ZNF665: variants seen among roughly 807,000 people sequenced by gnomAD.
ZNF665 encodes zinc finger protein 665.
Under a neutral mutation model 7.9 loss-of-function variants are expected in ZNF665, and 6 were observed. The observed-to-expected ratio is 0.76, with a 90% CI of 0.42 to 1.50. The LOEUF (loss-of-function observed/expected upper bound fraction) is 1.50, where lower values mean the gene tolerates loss of function less well. Among genes scored for constraint, ZNF665 ranks in the 40% most tolerant of loss-of-function variants. The pLI is 0.01. For synonymous variants in ZNF665, 242 were observed against 274.5 expected, an observed-to-expected ratio of 0.88 and a Z score of 1.17; for missense variants, 819 against 806.7, an observed-to-expected ratio of 1.02 and a Z score of -0.18.
At chr19:53,171,524 A>ATATATATATATATATATAT (rs372855271) in intron 3 of ZNF665, among the ~76,000 whole-genome samples, 36 of 69,318 alleles carry the variant, frequency 5.2e-4, no homozygotes, top group Non-Finnish European at 7.9e-4. Flanking sequence ...ATATATATAT[A>ATATATATATATATATATAT]TTTTTTTTTT....
chr19:53,165,296 T>G lies in ZNF665; in HGVS notation c.1194A>C (p.Gly398=), dbSNP rs10409924. The G allele has an allele frequency of 0.16, 253,876 of 1,613,900 alleles. 22,427 individuals are homozygous for G. The highest frequency in any genetic ancestry group is 0.37 in the African/African-American group (27,612 of 74,912). The change falls in exon 4 of 4, where the codon GGA becomes GGC. Residue 398 remains glycine, a synonymous_variant. Transcript: ENST00000396424. ...ATTCATTACATTTGAAAGGCTTTTC[T>G]CCGGTATGGATGATCTGATGCTTAG... ...NLTKHQIIHT[G]EKPFKCNECV...
chr19:53,173,287 A>C (rs1010286180), intron 3 of ZNF665, among the ~76,000 whole-genome samples: 1 of 152,062 alleles, frequency 6.6e-6, no homozygotes, highest in African/African-American at 2.4e-5. Context: ...TACTTATTGA[A>C]AAAACTGTCC....
intron 3 of ZNF665, among the ~76,000 whole-genome samples, chr19:53,168,834 T>C (rs2090636893): frequency 6.6e-6 from 1 of 152,114 alleles, no homozygotes; most frequent in East Asian, 1.9e-4. Flanking sequence ...TAAATGGCAA[T>C]TCCATGGAGA....
chr19:53,171,275 C>G (rs1437669957), intron 3 of ZNF665, among the ~76,000 whole-genome samples: 1 of 151,774 alleles, frequency 6.6e-6, no homozygotes, highest in East Asian at 1.9e-4. Flanking sequence ...CTTGAGCCAC[C>G]GCATGCGGCA....
At chr19:53,179,268 C>T (rs993497084) in intron 2 of ZNF665, among the ~76,000 whole-genome samples, 8 of 149,594 alleles carry the variant, frequency 5.3e-5, no homozygotes, top group Non-Finnish European at 7.4e-5. Flanking sequence ...CCCAGCTGGT[C>T]GGGAGGCTGA....
In ZNF665 at chr19:53,165,943, A is replaced by T; in HGVS notation, c.547T>A (p.Cys183Ser). 1 of 1,614,050 alleles carries T rather than the reference A, an allele frequency of 6.2e-7. No homozygotes were observed. Residue 183 changes from cysteine to serine, a missense_variant, in exon 4 of 4, where the codon TGT (cysteine) becomes AGT (serine). Coordinates refer to ENST00000396424, the MANE Select transcript of ZNF665 (RefSeq NM_024733.5). ...NRGKHYKCDE[C>S]GKVFSQNSRL... ...GAGTTTTGACTGAAGACCTTGCCACATTCATCACATTTATAATGTTTTCCT... is the reference window on the plus strand; with the variant it reads ...GAGTTTTGACTGAAGACCTTGCCACTTTCATCACATTTATAATGTTTTCCT...
intron 1 of ZNF665, among the ~76,000 whole-genome samples, chr19:53,189,071 G>GTGTGTGTC (rs2090793853): frequency 6.6e-6 from 1 of 151,766 alleles, no homozygotes; most frequent in Non-Finnish European, 1.5e-5. Context: ...GTGTGTGTGT[G>GTGTGTGTC]TGTGTGTGTG....
At chr19:53,176,631 G>A (rs2090700371) in intron 2 of ZNF665, among the ~76,000 whole-genome samples, 1 of 152,234 alleles carries the variant, frequency 6.6e-6, no homozygotes, top group African/African-American at 2.4e-5. Context: ...GAATGGCAAT[G>A]AGGTGGCTGC....
chr19:53,171,055 C>G lies in ZNF665; in HGVS notation c.142+4390G>C, dbSNP rs185296089. 2.2e-4 allele frequency among the ~76,000 whole-genome samples: 34 copies of G among 152,000 alleles called. 1 individual carries two copies. In the East Asian group the frequency reaches 4.9e-3, roughly 22 times the overall value. On this transcript the variant is annotated intron_variant, in intron 3 of 3. Transcript: ENST00000396424. ...GCTGGAGTGCAGTGGCACAATCTCA[C>G]CTCACTGCAACCTCCACCTCCCGGG...
chr19:53,175,040 T>C (rs1568660412), intron 3 of ZNF665, among the ~76,000 whole-genome samples: 2 of 150,282 alleles, frequency 1.3e-5, no homozygotes, highest in Non-Finnish European at 2.9e-5. Flanking sequence ...TAGGTTTACA[T>C]GAGAAGAGAG....
intron 2 of ZNF665, among the ~76,000 whole-genome samples, chr19:53,179,369 T>C (rs1408973123): frequency 1.2e-4 from 14 of 121,428 alleles, no homozygotes; most frequent in South Asian, 2.9e-4. Context: ...CAGAGCGAGA[T>C]TCCGTCTCAA....
rs2090800788 is a variant in ZNF665 at position 53,189,664 on chromosome 19, A to G, written c.-46+3648T>C. Among the ~76,000 whole-genome samples, 9 of 148,838 alleles carry G rather than the reference A, an allele frequency of 6.0e-5. No homozygotes were observed. The South Asian group carries it at 2.0e-3, about 33-fold the overall frequency. Reference sequence around the variant, plus strand: ...GGACTAGGAGCGTGACCACCGAAGCACAGCATCACAGGGAGACGGTTAGGC... The same window carrying G: ...GGACTAGGAGCGTGACCACCGAAGCGCAGCATCACAGGGAGACGGTTAGGC... On this transcript the variant is annotated intron_variant, in intron 1 of 3. Coordinates refer to ENST00000396424, the MANE Select transcript of ZNF665 (RefSeq NM_024733.5).
rs757903583 is a variant in ZNF665, at chr19:53,164,527, T to G, written c.1963A>C (p.Lys655Gln). Residue 655 changes from lysine to glutamine, a missense_variant, in exon 4 of 4, where the codon AAA becomes CAA. Lys to Gln is a moderately conservative substitution (Grantham distance 53). Coordinates refer to ENST00000396424, the MANE Select transcript of ZNF665 (RefSeq NM_024733.5). ...AAGACCTTGCCACATTGGTTACATT[T>G]GTAAGGTTTGTCTCCAGTATGGACT... ...MAVHTGDKPY[K>Q]CNQCGKVFTQ... 1.9e-6 allele frequency: 3 copies of G among 1,613,034 alleles called. No homozygotes were observed. Among genetic ancestry groups the G allele is most frequent in the Non-Finnish European group, 2.5e-6 (3 of 1,179,692 alleles).
At chr19:53,173,867 CAA>C (rs2090677169) in intron 3 of ZNF665, among the ~76,000 whole-genome samples, 1 of 152,058 alleles carries the variant, frequency 6.6e-6, no homozygotes. Context: ...GGACTGGGAT[CAA>C]AGAGAGGACA....
At chr19:53,180,844 T>G (rs191443645) in intron 2 of ZNF665, 3 of 152,330 alleles carry the variant, frequency 2.0e-5, no homozygotes, top group Admixed American at 2.0e-4. Context: ...ACCATTTTTT[T>G]CCAGTTAAAT....
chr19:53,164,789 C>G lies in ZNF665; in HGVS notation c.1701G>C (p.Glu567Asp), dbSNP rs894386312. ...CGCACTCATTACACTTATAAGGTTT[C>G]TCACCAGTGTGAATTCTCTGATGAA... The part of the protein sequence containing the change: ...LAIHQRIHTG[E>D]KPYKCNECGK... Residue 567 changes from glutamate to aspartate, a missense_variant, in exon 4 of 4, where the codon GAG (glutamate) becomes GAC (aspartate). Transcript: ENST00000396424. 3 of 1,614,000 alleles carry G rather than the reference C, an allele frequency of 1.9e-6. No individual in the cohort carries two copies. Among genetic ancestry groups the G allele is most frequent in the African/African-American group, 1.3e-5 (1 of 74,886 alleles).
intron 1 of ZNF665, among the ~76,000 whole-genome samples, chr19:53,184,058 T>C (rs1381706186): frequency 6.6e-6 from 1 of 152,104 alleles, no homozygotes; most frequent in East Asian, 1.9e-4. Context: ...GAGACCAGCC[T>C]GGGCAACATG....
Position 53,164,389 on chromosome 19 carries a change from C to T in ZNF665, c.*64G>A, listed in dbSNP as rs547064598. 20 of 1,330,320 alleles carry T rather than the reference C, an allele frequency of 1.5e-5. No homozygotes were observed. The highest frequency in any genetic ancestry group is 9.2e-5 in the South Asian group (6 of 65,428). The allele number at this position is 1,330,320 out of a possible 1,614,324, so 82.4% of individuals were successfully genotyped here. A position where few individuals can be genotyped will look rare whatever the true frequency, so the allele number is the denominator to read the frequency against. Reference sequence around the variant, plus strand: ...GAGACCTCAGGTGATCCCCCCGCCTCGGCCTCCCAAAGTGCTGGGATTACA... The same window carrying T: ...GAGACCTCAGGTGATCCCCCCGCCTTGGCCTCCCAAAGTGCTGGGATTACA... On this transcript the variant is annotated 3_prime_UTR_variant, in exon 4 of 4. Transcript: ENST00000396424.
At position 53,171,522 on chromosome 19, in the gene ZNF665, A is replaced by ATATATATATT. The variant is rs2090657849; in HGVS notation, c.142+3922_142+3923insAATATATATA. The stretch of plus-strand genomic sequence containing the variant: ...TGTGTGTGTATATATATATATATAT[A>ATATATATATT]TATTTTTTTTTTTTTTTTCTTTTTT... On this transcript the variant is annotated intron_variant, in intron 3 of 3. Coordinates refer to ENST00000396424, the MANE Select transcript of ZNF665 (RefSeq NM_024733.5). Among the ~76,000 whole-genome samples, 7 of 75,426 alleles carry ATATATATATT rather than the reference A, an allele frequency of 9.3e-5. 1 individual carries two copies. Among genetic ancestry groups the ATATATATATT allele is most frequent in the Non-Finnish European group, 1.8e-4 (7 of 39,302 alleles). 49.5% of individuals were successfully genotyped at this position (75,426 alleles called of 152,430 possible).
Sources: gnomAD v4.1 joint callset for allele counts (sites outside exome capture counted in the v4.1 genomes callset) on GRCh38, gnomAD v4.1.1 for gene constraint, MANE v1.5 for transcripts, NCBI Gene and HGNC (gene_info 2026-07-23, HGNC 2026-07-21) for gene names.